Variants in AOPEP observed in about 807,000 individuals in gnomAD.
The protein encoded by AOPEP is aminopeptidase O.
AOPEP carries 77 observed loss-of-function variants against 98.1 expected under a neutral mutation model. That is an observed-to-expected ratio of 0.78 (90% CI 0.65 to 0.95). The LOEUF (loss-of-function observed/expected upper bound fraction) is 0.95, where lower values mean the gene tolerates loss of function less well. Ranked by LOEUF, AOPEP falls within the 40% of genes least tolerant of loss-of-function variation. The pLI is 0.00. For missense variants in AOPEP, 1,024 were observed against 1,024.7 expected (o/e 1.00, Z 0.01); for synonymous variants, 346 against 365.3 (o/e 0.95, Z 0.60).
intron 11 of AOPEP, among the ~76,000 whole-genome samples, chr9:94,990,214 C>A (rs1196019266): frequency 6.6e-6 from 1 of 152,178 alleles, no homozygotes; most frequent in African/African-American, 2.4e-5. Flanking sequence ...AATCACAAGT[C>A]AGCTGGCCCA....
chr9:94,735,208 C>T (rs946305864), intron 1 of AOPEP, among the ~76,000 whole-genome samples: 2 of 152,164 alleles, frequency 1.3e-5, no homozygotes, highest in African/African-American at 4.8e-5. Flanking sequence ...GCTATCCTTG[C>T]ATGTCCAAGA....
At chr9:94,876,935 A>G (rs1286592792) in intron 5 of AOPEP, among the ~76,000 whole-genome samples, 1 of 152,204 alleles carries the variant, frequency 6.6e-6, no homozygotes, top group Non-Finnish European at 1.5e-5. Context: ...CTGACTGTCT[A>G]CAAAATCCAA....
intron 1 of AOPEP, among the ~76,000 whole-genome samples, chr9:94,745,421 G>A (rs1157953849): frequency 2.0e-5 from 3 of 151,942 alleles, no homozygotes; most frequent in African/African-American, 4.8e-5. Context: ...GACTACAGGC[G>A]CCTGCCACCA....
chr9:95,060,860 G>A (rs1175783423), intron 14 of AOPEP, 50 bp downstream of exon 14: 1 of 1,139,100 alleles, frequency 8.8e-7, no homozygotes, highest in Non-Finnish European at 1.3e-6. Context: ...CACTGTTGTT[G>A]AAGAATGGTG....
intron 5 of AOPEP, among the ~76,000 whole-genome samples, chr9:94,852,082 A>G (rs1020749962): frequency 6.6e-6 from 1 of 152,100 alleles, no homozygotes; most frequent in Non-Finnish European, 1.5e-5. Context: ...AACCTAGAAC[A>G]AGGGTGGACC....
chr9:95,054,038 A>G (rs1473323944), intron 13 of AOPEP, among the ~76,000 whole-genome samples: 2 of 152,172 alleles, frequency 1.3e-5, no homozygotes, highest in Non-Finnish European at 2.9e-5. Context: ...TAAGGAAACA[A>G]AAAGAAGGAA....
intron 5 of AOPEP, among the ~76,000 whole-genome samples, chr9:94,814,509 T>C (rs1251427525): frequency 6.6e-6 from 1 of 152,222 alleles, no homozygotes; most frequent in Non-Finnish European, 1.5e-5. Context: ...TGGGACTGCA[T>C]ACAAGGATGT....
chr9:95,102,462 G>T, the AOPEP span, among the ~76,000 whole-genome samples: 3 of 152,192 alleles, frequency 2.0e-5, no homozygotes, highest in Admixed American at 6.5e-5. Context: ...AAAAGGGAAG[G>T]GTGAGAATCT....
the AOPEP span, among the ~76,000 whole-genome samples, chr9:95,092,447 C>A: frequency 6.6e-6 from 1 of 152,204 alleles, no homozygotes; most frequent in Non-Finnish European, 1.5e-5. Context: ...AGGCTCCCCA[C>A]CTGGGAGAGG....
chr9:94,881,502 TG>T (rs2047582451), intron 5 of AOPEP, among the ~76,000 whole-genome samples: 1 of 152,226 alleles, frequency 6.6e-6, no homozygotes, highest in Non-Finnish European at 1.5e-5. Context: ...TTGTAATTGG[TG>T]AGACATAAGC....
chr9:95,004,022 G>C (rs2061737583), intron 11 of AOPEP: 1 of 320,990 alleles, frequency 3.1e-6, no homozygotes, highest in South Asian at 2.5e-5. Context: ...GCTATTTAAA[G>C]TAGTGAGTTT....
the AOPEP span, among the ~76,000 whole-genome samples, chr9:95,113,501 A>C: frequency 6.6e-6 from 1 of 152,180 alleles, no homozygotes; most frequent in East Asian, 1.9e-4. Context: ...ACTACTGTTA[A>C]GAAATTAACA....
At chr9:94,770,780 A>G (rs1840688267) in intron 2 of AOPEP, among the ~76,000 whole-genome samples, 1 of 152,222 alleles carries the variant, frequency 6.6e-6, no homozygotes, top group Non-Finnish European at 1.5e-5. Flanking sequence ...CACGGCCTGT[A>G]TACTTGTAGA....
Position 94,773,037 on chromosome 9 carries a change from A to G in AOPEP, c.833A>G (p.Asn278Ser), listed in dbSNP as rs376925629. ...TATACTGTGGGATCTCCCATAAACA[A>G]CAGGGCCCTTTTTCCATGCCAGGAG... ...CVYTVGSPIN[N>S]RALFPCQEPP... Residue 278 changes from asparagine to serine, a missense_variant, in exon 3 of 17, where the codon AAC (asparagine) becomes AGC (serine). Coordinates refer to ENST00000375315, the MANE Select transcript of AOPEP (RefSeq NM_001193329.3). The G allele has an allele frequency of 4.3e-6, 7 of 1,613,942 alleles. No homozygotes were observed. The African/African-American group carries it at 9.3e-5, about 22-fold the overall frequency.
chr9:94,951,776 C>G (rs1188406577), intron 7 of AOPEP, among the ~76,000 whole-genome samples: 2 of 152,196 alleles, frequency 1.3e-5, no homozygotes, highest in African/African-American at 4.8e-5. Context: ...GTCCATTCTG[C>G]TCTCCACAGA....
intron 10 of AOPEP, among the ~76,000 whole-genome samples, chr9:94,974,615 C>T (rs1171954344): frequency 3.3e-5 from 5 of 152,150 alleles, no homozygotes; most frequent in African/African-American, 7.2e-5. Flanking sequence ...GAAATGTAAC[C>T]GAAGGGTTGA....
At position 94,958,711 on chromosome 9, in the gene AOPEP, G is replaced by A. The variant is rs72750342; in HGVS notation, c.1872+2696G>A. On this transcript the variant is annotated intron_variant, in intron 9 of 16. Coordinates refer to ENST00000375315, the MANE Select transcript of AOPEP (RefSeq NM_001193329.3). ...GGAGAAATGTTTATTCAGATTATTT[G>A]CTGATTTTAAAATTTCGATTGTCTT... is the stretch of plus-strand genomic sequence containing the variant. 9.2e-3 allele frequency among the ~76,000 whole-genome samples: 1,400 copies of A among 152,242 alleles called. 12 individuals are homozygous for A. Among genetic ancestry groups the A allele is most frequent in the Non-Finnish European group, 0.017 (1,133 of 67,988 alleles).
At chr9:95,087,531 TCTC>T (rs2070794706), downstream of AOPEP, among the ~76,000 whole-genome samples, 1 of 96,138 alleles carries the variant, frequency 1.0e-5, no homozygotes, top group Admixed American at 1.1e-4. Context: ...AAAAAGGTAT[TCTC>T]CACATTCTGG....
At chr9:95,097,488 C>T in the AOPEP span, among the ~76,000 whole-genome samples, 1 of 152,222 alleles carries the variant, frequency 6.6e-6, no homozygotes, top group Non-Finnish European at 1.5e-5. Context: ...GCCTTTCTCC[C>T]GGCTGGAGTG....
Sources: allele counts gnomAD v4.1 joint callset (sites outside exome capture counted in the v4.1 genomes callset), GRCh38; gene constraint gnomAD v4.1.1; transcripts MANE v1.5; gene names NCBI Gene and HGNC (gene_info 2026-07-23, HGNC 2026-07-21).